ACER2: variants seen among roughly 807,000 people sequenced by gnomAD.
ACER2 encodes alkaline ceramidase 2, also known as alkCDase 2.
In ACER2, 26 loss-of-function variants were observed where a neutral mutation model predicts 34.7. The ratio of observed to expected loss-of-function variants is 0.75; its 90% CI spans 0.55 to 1.04. The LOEUF (loss-of-function observed/expected upper bound fraction) is 1.04, where lower values mean the gene tolerates loss of function less well. Among genes scored for constraint, ACER2 ranks in the 50% least tolerant of loss-of-function variants. The probability of loss-of-function intolerance (pLI) is 0.00; values close to 1 mark genes in which losing one functional copy is unlikely to be tolerated. For missense variants in ACER2, 352 were observed against 340.8 expected (o/e 1.03, Z -0.26); for synonymous variants, 138 against 132.1 (o/e 1.04, Z -0.31).
At chr9:19,426,276 CTTTCTTTCTTTCTT>C (rs1300419844) in intron 3 of ACER2, among the ~76,000 whole-genome samples, 1 of 146,878 alleles carries the variant, frequency 6.8e-6, no homozygotes, top group East Asian at 2.0e-4. Context: ...CTTTCTTTCT[CTTTCTTTCTTTCTT>C]TTTCTGTCTT....
chr9:19,413,457 A>G (rs551946052), intron 1 of ACER2, among the ~76,000 whole-genome samples: 1 of 152,080 alleles, frequency 6.6e-6, no homozygotes, highest in African/African-American at 2.4e-5. Flanking sequence ...AAAACTAGCC[A>G]AGTGTGGTGG....
At chr9:19,438,609 A>G (rs563486255) in intron 4 of ACER2, among the ~76,000 whole-genome samples, 1 of 152,354 alleles carries the variant, frequency 6.6e-6, no homozygotes, top group South Asian at 2.1e-4. Context: ...CATTTGTAGC[A>G]TGCAGTCCAG....
Position 19,412,218 on chromosome 9 carries a change from A to G in ACER2, c.108+3026A>G, listed in dbSNP as rs141687669. On this transcript the variant is annotated intron_variant, in intron 1 of 5. Coordinates refer to ENST00000340967, the MANE Select transcript of ACER2 (RefSeq NM_001010887.3). The stretch of plus-strand genomic sequence containing the variant: ...AAGTTTATTTAAAGTAGTTTGTAAA[A>G]TTACTGTTTATTGTAAAAGTAATAT... Among the ~76,000 whole-genome samples, 1,269 of 152,346 alleles carry G rather than the reference A, an allele frequency of 8.3e-3. 13 individuals carry two copies. The highest frequency in any genetic ancestry group is 0.029 in the African/African-American group (1,205 of 41,572).
intron 3 of ACER2, among the ~76,000 whole-genome samples, chr9:19,433,445 A>G (rs1343875585): frequency 1.3e-5 from 2 of 152,008 alleles, no homozygotes; most frequent in Non-Finnish European, 2.9e-5. Flanking sequence ...GACACAGCAC[A>G]TGTTTCAGAG....
chr9:19,433,434 G>A (rs373494878), intron 3 of ACER2, among the ~76,000 whole-genome samples: 18 of 152,090 alleles, frequency 1.2e-4, no homozygotes, highest in Admixed American at 3.9e-4. Context: ...AACTCTGAGT[G>A]GACACAGCAC....
intron 1 of ACER2, among the ~76,000 whole-genome samples, chr9:19,411,080 GT>G (rs1177664320): frequency 6.6e-6 from 1 of 152,200 alleles, no homozygotes; most frequent in Non-Finnish European, 1.5e-5. Flanking sequence ...CTTGAAAAGT[GT>G]CATAGGGCTG....
At chr9:19,426,292 TTCTG>T (rs1303744731) in intron 3 of ACER2, among the ~76,000 whole-genome samples, 1 of 151,108 alleles carries the variant, frequency 6.6e-6, no homozygotes, top group Non-Finnish European at 1.5e-5. Flanking sequence ...TTCTTTCTTT[TTCTG>T]TCTTTCTTTC....
chr9:19,444,972 G>T (rs1831305673), intron 4 of ACER2, among the ~76,000 whole-genome samples: 1 of 152,224 alleles, frequency 6.6e-6, no homozygotes, highest in Non-Finnish European at 1.5e-5. Context: ...TGATGTTTGT[G>T]AAAGGCATCT....
At chr9:19,438,208 T>G (rs1206543092) in intron 4 of ACER2, among the ~76,000 whole-genome samples, 1 of 152,236 alleles carries the variant, frequency 6.6e-6, no homozygotes, top group Non-Finnish European at 1.5e-5. Context: ...AATTGAATAA[T>G]AATACTTAGA....
intron 4 of ACER2, among the ~76,000 whole-genome samples, chr9:19,436,694 G>A (rs1176160281): frequency 6.6e-6 from 1 of 152,190 alleles, no homozygotes; most frequent in Non-Finnish European, 1.5e-5. Flanking sequence ...AAATGGCCAT[G>A]TAGGATTGTA....
At chr9:19,432,685 A>G (rs1830795179) in intron 3 of ACER2, among the ~76,000 whole-genome samples, 8 of 148,086 alleles carry the variant, frequency 5.4e-5, no homozygotes, top group Admixed American at 5.4e-4. Context: ...CTATATATAG[A>G]TATGTATAAT....
intron 4 of ACER2, among the ~76,000 whole-genome samples, chr9:19,442,897 A>G (rs1831204123): frequency 6.6e-6 from 1 of 151,472 alleles, no homozygotes; most frequent in African/African-American, 2.4e-5. Flanking sequence ...CGGTGGCACT[A>G]TCTCGGCTCA....
intron 4 of ACER2, among the ~76,000 whole-genome samples, chr9:19,441,527 CCCTT>C (rs1477906338): frequency 1.3e-5 from 2 of 152,186 alleles, no homozygotes; most frequent in East Asian, 1.9e-4. Flanking sequence ...CAGCCCCAGC[CCCTT>C]CCTTATTTAT....
At position 19,451,473 on chromosome 9, in the gene ACER2, G is replaced by A. The variant is rs1831566554; in HGVS notation, c.*837G>A. The A allele has an allele frequency of 6.6e-6, 1 of 152,654 alleles. No homozygotes were observed. 9.5% of individuals were successfully genotyped at this position (152,654 alleles called of 1,614,324 possible). ...ACTACTACCTCTGTGGAGAGATGGA[G>A]AGACTTCAGATAAACGTGAAGCTAA... is the stretch of plus-strand genomic sequence containing the variant. On this transcript the variant is annotated 3_prime_UTR_variant, in exon 6 of 6. Coordinates refer to ENST00000340967, the MANE Select transcript of ACER2 (RefSeq NM_001010887.3).
intron 3 of ACER2, among the ~76,000 whole-genome samples, chr9:19,434,366 G>C (rs1266195045): frequency 1.3e-5 from 2 of 152,104 alleles, no homozygotes; most frequent in Non-Finnish European, 2.9e-5. Flanking sequence ...CTTCCCAGAC[G>C]GGGTGGCGGC....
intron 1 of ACER2, among the ~76,000 whole-genome samples, chr9:19,421,234 C>A (rs1278344412): frequency 6.6e-6 from 1 of 152,154 alleles, no homozygotes; most frequent in African/African-American, 2.4e-5. Flanking sequence ...TCATTGTTGA[C>A]TGAAATGTCA....
At chr9:19,439,665 A>G (rs2132516256) in intron 4 of ACER2, among the ~76,000 whole-genome samples, 1 of 152,280 alleles carries the variant, frequency 6.6e-6, no homozygotes. Flanking sequence ...GTCATAGCCA[A>G]ACTTCTTTAA....
intron 5 of ACER2, among the ~76,000 whole-genome samples, chr9:19,449,099 T>TG (rs1831475725): frequency 3.3e-5 from 5 of 152,164 alleles, no homozygotes; most frequent in Non-Finnish European, 7.4e-5. Flanking sequence ...CACTGTACTC[T>TG]AGCCTGAGCA....
In ACER2 at chr9:19,452,309, A is replaced by G. The variant is rs1831593648; in HGVS notation, c.*1673A>G. Among the ~76,000 whole-genome samples, 1 of 152,182 alleles carries G rather than the reference A, an allele frequency of 6.6e-6. No individual in the cohort carries two copies. The highest frequency in any genetic ancestry group is 2.4e-5 in the African/African-American group (1 of 41,444). On this transcript the variant is annotated 3_prime_UTR_variant, in exon 6 of 6. Transcript: ENST00000340967. ...TCCAGGAACTCTTACTCTAGTTAGAATTTGTACCAGATCCAAGGTGAAAAC... is the reference window on the plus strand; with the variant it reads ...TCCAGGAACTCTTACTCTAGTTAGAGTTTGTACCAGATCCAAGGTGAAAAC...
Sources: gnomAD v4.1 joint callset for allele counts (sites outside exome capture counted in the v4.1 genomes callset) on GRCh38, gnomAD v4.1.1 for gene constraint, MANE v1.5 for transcripts, NCBI Gene and HGNC (gene_info 2026-07-23, HGNC 2026-07-21) for gene names.